The following EYA4 variants were observed in gnomAD, a reference collection of about 807,000 sequenced individuals.
EYA4 encodes the protein EYA transcriptional coactivator and phosphatase 4.
EYA4 carries 31 observed loss-of-function variants against 87.9 expected under a neutral mutation model. The observed-to-expected ratio is 0.35, with a 90% CI of 0.27 to 0.48. The LOEUF (loss-of-function observed/expected upper bound fraction) is 0.48. EYA4 is among the 20% of genes least tolerant of loss of function. EYA4 has a pLI of 0.99. For synonymous variants in EYA4, 263 were observed against 270.6 expected, an observed-to-expected ratio of 0.97 and a Z score of 0.28; for missense variants, 678 against 761.4, an observed-to-expected ratio of 0.89 and a Z score of 1.29.
intron 8 of EYA4, 60 bp from the exon 9 acceptor site, chr6:133,462,561 A>G (rs765961891): frequency 2.4e-5 from 38 of 1,612,818 alleles, no homozygotes; most frequent in Non-Finnish European, 3.1e-5. Flanking sequence ...TGTAGGTTAC[A>G]ACTTAGAAGG....
At chr6:133,267,873 A>G (rs1343532616) in intron 1 of EYA4, among the ~76,000 whole-genome samples, 1 of 152,166 alleles carries the variant, frequency 6.6e-6, no homozygotes, top group East Asian at 1.9e-4. Context: ...ACTGGGTAAA[A>G]GGGCTTAAAC....
In EYA4 at chr6:133,531,196, A is replaced by C; in HGVS notation, c.*2391A>C. 6.5e-7 allele frequency: 1 copy of C among 1,535,050 alleles called. No homozygotes were observed. Among genetic ancestry groups the C allele is most frequent in the Non-Finnish European group, 8.7e-7 (1 of 1,146,770 alleles). Reference sequence around the variant, plus strand: ...TTTCTCACACACATCTCTTTTTCTGATTCTGTGTTCAGAAGAGGCTGCCGG... The same window carrying C: ...TTTCTCACACACATCTCTTTTTCTGCTTCTGTGTTCAGAAGAGGCTGCCGG... On this transcript the variant is annotated 3_prime_UTR_variant, in exon 20 of 20. Transcript: ENST00000355286.
chr6:133,371,117 C>A (rs1785233695), intron 2 of EYA4, among the ~76,000 whole-genome samples: 1 of 152,128 alleles, frequency 6.6e-6, no homozygotes, highest in Non-Finnish European at 1.5e-5. Flanking sequence ...ATAATAACAG[C>A]ATTTGTTTTG....
At chr6:133,438,849 T>A (rs1791966551) in intron 3 of EYA4, among the ~76,000 whole-genome samples, 1 of 152,000 alleles carries the variant, frequency 6.6e-6, no homozygotes, top group Non-Finnish European at 1.5e-5. Context: ...GAGATCATCC[T>A]GGCTAACACA....
At chr6:133,279,250 T>C (rs1777428778) in intron 2 of EYA4, among the ~76,000 whole-genome samples, 1 of 152,128 alleles carries the variant, frequency 6.6e-6, no homozygotes, top group Non-Finnish European at 1.5e-5. Context: ...CTAAGTAAAA[T>C]GAATAAGTTA....
chr6:133,424,229 A>G (rs1340773876), intron 3 of EYA4, among the ~76,000 whole-genome samples: 1 of 152,144 alleles, frequency 6.6e-6, no homozygotes, highest in Non-Finnish European at 1.5e-5. Flanking sequence ...TCAGAGGGGA[A>G]GAGGGAGGAA....
chr6:133,491,868 C>T lies in EYA4; in HGVS notation c.1191+8753C>T, dbSNP rs145888131. Among the ~76,000 whole-genome samples, 40 of 143,166 alleles carry T rather than the reference C, an allele frequency of 2.8e-4. No individual in the cohort carries two copies. In the East Asian group the frequency reaches 7.4e-3, roughly 26 times the overall value. The allele number at this position is 143,166 out of a possible 152,430, so 93.9% of individuals were successfully genotyped here. A position where few individuals can be genotyped will look rare whatever the true frequency, so the allele number is the denominator to read the frequency against. ...TCGGGAGGCTGAGGCAGGAGAAGGG[C>T]GTGAACCTGGGTGGCAGAGCTTGCA... On this transcript the variant is annotated intron_variant, in intron 13 of 19. Transcript: ENST00000355286.
At position 133,456,665 on chromosome 6, in the gene EYA4, G is replaced by C. The variant is rs370851229; in HGVS notation, c.370+17G>C. The C allele has an allele frequency of 2.0e-6, 3 of 1,524,258 alleles. No individual in the cohort carries two copies. The highest frequency in any genetic ancestry group is 2.7e-6 in the Non-Finnish European group (3 of 1,098,302). 94.4% of individuals were successfully genotyped at this position (1,524,258 alleles called of 1,614,324 possible). On this transcript the variant is annotated intron_variant, in intron 6 of 19. Coordinates refer to ENST00000355286, the MANE Select transcript of EYA4 (RefSeq NM_004100.5). ...CTGGGTCAGGTAAAGCCTTTAGCTC[G>C]TGTGTCCTTACGTACACATGGGGGT...
intron 2 of EYA4, among the ~76,000 whole-genome samples, chr6:133,294,023 TTATATA>T (rs71771244): frequency 0.082 from 6,405 of 78,398 alleles, 427 homozygotes; most frequent in African/African-American, 0.14. Context: ...TAGGGTGATT[TTATATA>T]TATATATATA....
At chr6:133,497,403 A>G (rs1797731641) in intron 13 of EYA4, among the ~76,000 whole-genome samples, 1 of 152,108 alleles carries the variant, frequency 6.6e-6, no homozygotes. Context: ...CATCTTCCTA[A>G]TGGGTTATCA....
chr6:133,492,667 G>A (rs1797289441), intron 13 of EYA4, among the ~76,000 whole-genome samples: 1 of 152,112 alleles, frequency 6.6e-6, no homozygotes, highest in African/African-American at 2.4e-5. Context: ...AGTCAAATTA[G>A]CCTTATTTGT....
chr6:133,353,913 A>G (rs1033988428), intron 2 of EYA4, among the ~76,000 whole-genome samples: 4 of 152,134 alleles, frequency 2.6e-5, no homozygotes, highest in Non-Finnish European at 5.9e-5. Flanking sequence ...CCCATTTCTG[A>G]CATTAAATAT....
At chr6:133,510,576 T>C (rs1248627193) in intron 14 of EYA4, 2 of 256,732 alleles carry the variant, frequency 7.8e-6, no homozygotes, top group Non-Finnish European at 1.6e-5. Context: ...TGCAATGCCT[T>C]TACTGGATGT....
chr6:133,403,560 T>A (rs546303892), intron 3 of EYA4, among the ~76,000 whole-genome samples: 4 of 152,358 alleles, frequency 2.6e-5, no homozygotes, highest in African/African-American at 9.6e-5. Context: ...CATATTAAAA[T>A]GACCATTTGA....
chr6:133,510,365 C>A, intron 14 of EYA4: 1 of 208,532 alleles, frequency 4.8e-6, no homozygotes, highest in South Asian at 8.2e-5. Context: ...TCATGTGACA[C>A]CATTTCAATA....
chr6:133,291,219 C>T (rs912138838), intron 2 of EYA4, among the ~76,000 whole-genome samples: 5 of 152,062 alleles, frequency 3.3e-5, no homozygotes, highest in Middle Eastern at 3.4e-3. Context: ...CATTTTGACC[C>T]GGAATTAAAC....
In EYA4 at chr6:133,522,980, C is replaced by T; in HGVS notation, c.1617-76C>T. The T allele has an allele frequency of 3.8e-6, 5 of 1,303,456 alleles. No individual in the cohort carries two copies. The South Asian group carries it at 6.0e-5, about 16-fold the overall frequency. 80.7% of individuals were successfully genotyped at this position (1,303,456 alleles called of 1,614,324 possible). ...ACCATTAATTAAGGAATTTAGAGAC[C>T]ACAGTGACAATTTTAAATCTATTAG... On this transcript the variant is annotated intron_variant, in intron 17 of 19. Coordinates refer to ENST00000355286, the MANE Select transcript of EYA4 (RefSeq NM_004100.5).
intron 3 of EYA4, among the ~76,000 whole-genome samples, chr6:133,393,994 A>G (rs978583427): frequency 2.0e-5 from 3 of 152,210 alleles, no homozygotes; most frequent in African/African-American, 7.2e-5. Flanking sequence ...GATTCTGCTT[A>G]TTATCTTACA....
At chr6:133,329,951 G>A (rs1781795050) in intron 2 of EYA4, among the ~76,000 whole-genome samples, 1 of 152,060 alleles carries the variant, frequency 6.6e-6, no homozygotes, top group South Asian at 2.1e-4. Context: ...GATTGCATAG[G>A]AATGAACAAG....
Sources: gnomAD v4.1 joint callset for allele counts (sites outside exome capture counted in the v4.1 genomes callset) on GRCh38, gnomAD v4.1.1 for gene constraint, MANE v1.5 for transcripts, NCBI Gene and HGNC (gene_info 2026-07-23, HGNC 2026-07-21) for gene names.